The following ROBO2 variants were observed in gnomAD, a reference collection of about 807,000 sequenced individuals.
ROBO2 encodes the protein roundabout guidance receptor 2.
A neutral mutation model predicts 160.8 loss-of-function variants in ROBO2; 53 were observed. The ratio of observed to expected loss-of-function variants is 0.33; its 90% confidence interval spans 0.26 to 0.41. ROBO2 has a LOEUF of 0.41. Among genes scored for constraint, ROBO2 ranks in the 10% least tolerant of loss-of-function variants. The probability of loss-of-function intolerance (pLI) is 1.00; values close to 1 mark genes in which losing one functional copy is unlikely to be tolerated. For synonymous variants in ROBO2, 664 were observed against 611.7 expected (o/e 1.09, Z -1.26); for missense variants, 1,577 against 1,722.4 (o/e 0.92, Z 1.49).
intron 2 of ROBO2, among the ~76,000 whole-genome samples, chr3:76,106,385 C>T (rs562649928): frequency 1.2e-4 from 18 of 152,172 alleles, no homozygotes; most frequent in Non-Finnish European, 2.4e-4. Flanking sequence ...GGTTGATAAA[C>T]GCACTGTGCA....
At chr3:77,556,356 A>T (rs1300825511) in intron 8 of ROBO2, among the ~76,000 whole-genome samples, 1 of 151,926 alleles carries the variant, frequency 6.6e-6, no homozygotes, top group Non-Finnish European at 1.5e-5. Flanking sequence ...GAAATAAATG[A>T]TTCTAATTTT....
intron 2 of ROBO2, among the ~76,000 whole-genome samples, chr3:76,932,909 C>T (rs1049671615): frequency 4.6e-5 from 7 of 151,934 alleles, no homozygotes; most frequent in East Asian, 1.9e-4. Flanking sequence ...GCCCCGGCCC[C>T]GAGAAGTCTA....
intron 2 of ROBO2, chr3:76,434,435 GC>G: frequency 6.4e-7 from 1 of 1,556,814 alleles, no homozygotes; most frequent in Middle Eastern, 2.3e-4. Context: ...GGTGGCTATG[GC>G]CCCCAAGCCT....
intron 2 of ROBO2, among the ~76,000 whole-genome samples, chr3:76,890,279 GA>G (rs2074247771): frequency 6.6e-6 from 1 of 152,114 alleles, no homozygotes; most frequent in Non-Finnish European, 1.5e-5. Context: ...CATTTACTGA[GA>G]ATAGGAAATT....
Position 77,625,780 on chromosome 3 carries a change from A to T in ROBO2, c.3760+3348A>T, listed in dbSNP as rs1473205745. ...AGGGTTGTAGGAAAACAAGAAACTA[A>T]CTAACAAACAAAAACTAAGAAGAAT... On this transcript the variant is annotated intron_variant, in intron 23 of 25. Transcript: ENST00000461745. Among the ~76,000 whole-genome samples the T allele has an allele frequency of 4.6e-5, 7 of 152,274 alleles. No individual in the cohort carries two copies. The East Asian group carries it at 1.4e-3, about 29-fold the overall frequency.
At chr3:77,184,763 C>T (rs1457381927) in intron 2 of ROBO2, among the ~76,000 whole-genome samples, 1 of 151,992 alleles carries the variant, frequency 6.6e-6, no homozygotes, top group South Asian at 2.1e-4. Flanking sequence ...AGTAAAAATA[C>T]ATCTACTGTT....
At chr3:76,595,793 C>G (rs1279596289) in intron 2 of ROBO2, among the ~76,000 whole-genome samples, 5 of 151,928 alleles carry the variant, frequency 3.3e-5, no homozygotes, top group African/African-American at 1.2e-4. Flanking sequence ...ACAAAAGAAC[C>G]CAAAGAAACA....
intron 2 of ROBO2, among the ~76,000 whole-genome samples, chr3:76,131,398 T>C (rs914247908): frequency 6.6e-6 from 1 of 152,096 alleles, no homozygotes; most frequent in Non-Finnish European, 1.5e-5. Context: ...GTTACGACTG[T>C]TCCTTAGGTC....
chr3:77,008,600 T>C (rs2061706318), intron 2 of ROBO2, among the ~76,000 whole-genome samples: 1 of 152,146 alleles, frequency 6.6e-6, no homozygotes. Context: ...AAAGAATAGA[T>C]TCCTTTGGAC....
At chr3:76,764,032 A>G (rs1313467621) in intron 2 of ROBO2, among the ~76,000 whole-genome samples, 1 of 151,780 alleles carries the variant, frequency 6.6e-6, no homozygotes, top group Non-Finnish European at 1.5e-5. Context: ...ACAACAAAGA[A>G]TCTTCGTTTT....
chr3:77,002,890 C>G (rs1414989548), intron 2 of ROBO2, among the ~76,000 whole-genome samples: 1 of 152,104 alleles, frequency 6.6e-6, no homozygotes, highest in Non-Finnish European at 1.5e-5. Context: ...CTCAAACATT[C>G]ATGTATAATG....
intron 2 of ROBO2, among the ~76,000 whole-genome samples, chr3:76,060,663 A>G (rs528751680): frequency 3.3e-5 from 5 of 152,190 alleles, no homozygotes; most frequent in African/African-American, 9.7e-5. Flanking sequence ...GGGTCCCTTT[A>G]CAACTGTAAA....
chr3:77,609,488 A>G (rs1339932005), intron 21 of ROBO2, among the ~76,000 whole-genome samples: 1 of 152,040 alleles, frequency 6.6e-6, no homozygotes, highest in Non-Finnish European at 1.5e-5. Context: ...AAAGCTTTAT[A>G]TGCATAAAGT....
chr3:77,044,097 C>A (rs1453124357), intron 1 of ROBO2, among the ~76,000 whole-genome samples: 1 of 151,710 alleles, frequency 6.6e-6, no homozygotes, highest in Non-Finnish European at 1.5e-5. Flanking sequence ...GTTTGAATAA[C>A]CTTTGATGCT....
At chr3:76,783,828 C>T (rs2062810264) in intron 2 of ROBO2, among the ~76,000 whole-genome samples, 1 of 150,990 alleles carries the variant, frequency 6.6e-6, no homozygotes, top group Non-Finnish European at 1.5e-5. Flanking sequence ...TCTTTCTCTG[C>T]TTCTTCTGGA....
chr3:77,579,260 A>G (rs2093849825), intron 15 of ROBO2, among the ~76,000 whole-genome samples: 1 of 152,044 alleles, frequency 6.6e-6, no homozygotes, highest in South Asian at 2.1e-4. Context: ...TAAAAGCCTG[A>G]CTTCCTTAAC....
At chr3:76,337,890 G>C (rs1465863016) in intron 2 of ROBO2, among the ~76,000 whole-genome samples, 1 of 152,068 alleles carries the variant, frequency 6.6e-6, no homozygotes, top group African/African-American at 2.4e-5. Context: ...GAGGTTTTGG[G>C]CTCCACCATA....
At chr3:76,656,270 T>C (rs1026586544) in intron 2 of ROBO2, among the ~76,000 whole-genome samples, 3 of 152,192 alleles carry the variant, frequency 2.0e-5, no homozygotes, top group African/African-American at 7.2e-5. Flanking sequence ...TACTTTTCAA[T>C]GTCCAAATTA....
At chr3:76,261,810 G>A (rs1706785663) in intron 2 of ROBO2, among the ~76,000 whole-genome samples, 1 of 151,748 alleles carries the variant, frequency 6.6e-6, no homozygotes, top group Non-Finnish European at 1.5e-5. Context: ...GCAATTCCTG[G>A]TATACTATTT....
Sources: allele counts gnomAD v4.1 joint callset (sites outside exome capture counted in the v4.1 genomes callset), GRCh38; gene constraint gnomAD v4.1.1; transcripts MANE v1.5; gene names NCBI Gene and HGNC (gene_info 2026-07-23, HGNC 2026-07-21).